CCDC192: variants seen among roughly 807,000 people sequenced by gnomAD.
CCDC192 encodes the protein coiled-coil domain containing 192, also known as coiled-coil domain-containing protein 192.
At chr5:127,855,636 G>C (rs529058749) in intron 5 of CCDC192, among the ~76,000 whole-genome samples, 3 of 152,260 alleles carry the variant, frequency 2.0e-5, no homozygotes, top group Admixed American at 6.5e-5. Context: ...CACCATCTAT[G>C]GAAGCTATAG....
intron 3 of CCDC192, chr5:127,786,362 G>T: frequency 1.6e-6 from 1 of 631,678 alleles, no homozygotes; most frequent in South Asian, 1.8e-5. Context: ...GAGATTCAAA[G>T]GATTCTTTAT....
chr5:127,930,847 A>G (rs1490758290), intron 6 of CCDC192, among the ~76,000 whole-genome samples: 1 of 152,230 alleles, frequency 6.6e-6, no homozygotes, highest in Non-Finnish European at 1.5e-5. Context: ...ATGTCTGGCC[A>G]CTGGGGCCTA....
chr5:127,757,721 A>C (rs1389827416), intron 3 of CCDC192, among the ~76,000 whole-genome samples: 1 of 150,816 alleles, frequency 6.6e-6, no homozygotes, highest in African/African-American at 2.4e-5. Context: ...AGGCCATGCC[A>C]CTAAGGGATT....
At chr5:127,846,307 T>C (rs985696445) in intron 5 of CCDC192, among the ~76,000 whole-genome samples, 1 of 148,992 alleles carries the variant, frequency 6.7e-6, no homozygotes, top group Non-Finnish European at 1.5e-5. Context: ...AAAAAAAAAA[T>C]TGTTAAATGA....
intron 2 of CCDC192, among the ~76,000 whole-genome samples, chr5:127,753,216 G>A (rs1754337579): frequency 6.6e-6 from 1 of 152,180 alleles, no homozygotes; most frequent in Admixed American, 6.5e-5. Flanking sequence ...CCACAGCCAA[G>A]CTATAGGAAG....
At chr5:127,704,003 T>C (rs138885767) in intron 1 of CCDC192, among the ~76,000 whole-genome samples, 12 of 152,352 alleles carry the variant, frequency 7.9e-5, no homozygotes, top group South Asian at 2.1e-4. Context: ...ATTTAATTAC[T>C]AGAAATTTTG....
At position 127,767,660 on chromosome 5, in the gene CCDC192, G is replaced by A. The variant is rs144458396; in HGVS notation, c.222+13285G>A. Reference sequence around the variant, plus strand: ...ATTCTTTATCTATTCTTAAGGCCTAGAGAACTTTTTTGAAGATTAAAGGAA... The same window carrying A: ...ATTCTTTATCTATTCTTAAGGCCTAAAGAACTTTTTTGAAGATTAAAGGAA... On this transcript the variant is annotated intron_variant, in intron 3 of 6. Transcript: ENST00000514853. Among the ~76,000 whole-genome samples, 1,065 of 152,182 alleles carry A rather than the reference G, an allele frequency of 7.0e-3. 15 individuals are homozygous for A. The highest frequency in any genetic ancestry group is 0.024 in the African/African-American group (1,006 of 41,490).
intron 5 of CCDC192, among the ~76,000 whole-genome samples, chr5:127,847,821 T>TTAAATAAATAAATAAATAAA (rs67683440): frequency 2.8e-5 from 4 of 142,782 alleles, no homozygotes; most frequent in Admixed American, 7.1e-5. Context: ...AGACTCCATC[T>TTAAATAAATAAATAAATAAA]TAAATAAATA....
chr5:127,806,285 C>T (rs925131099), intron 5 of CCDC192, among the ~76,000 whole-genome samples: 1 of 152,104 alleles, frequency 6.6e-6, no homozygotes, highest in Non-Finnish European at 1.5e-5. Flanking sequence ...CACACAAGGA[C>T]CCTGGCTGGC....
At position 127,797,141 on chromosome 5, in the gene CCDC192, A is replaced by G. The variant is rs1453948888; in HGVS notation, c.261A>G (p.Glu87=). 6 of 398,360 alleles carry G rather than the reference A, an allele frequency of 1.5e-5. No homozygotes were observed. The East Asian group carries it at 1.8e-4, about 12-fold the overall frequency. 24.7% of individuals were successfully genotyped at this position (398,360 alleles called of 1,614,324 possible). ...AAGGAACAAAATCAAAACTGCTTGA[A>G]CAAGTATCCCGGCTGGAGGAAAAAC... is the stretch of plus-strand genomic sequence containing the variant. The part of the protein sequence containing the change: ...VSEGTKSKLL[E]QVSRLEEKLE... Residue 87 remains glutamate (E), a synonymous_variant, in exon 4 of 7, where the codon GAA becomes GAG. Transcript: ENST00000514853.
At chr5:127,813,462 A>G (rs746856177) in intron 5 of CCDC192, among the ~76,000 whole-genome samples, 9 of 152,180 alleles carry the variant, frequency 5.9e-5, no homozygotes, top group Non-Finnish European at 8.8e-5. Context: ...GTAACTGCTC[A>G]TCTGCAGTTT....
chr5:127,762,729 G>A (rs184970583), intron 3 of CCDC192, among the ~76,000 whole-genome samples: 3 of 152,308 alleles, frequency 2.0e-5, no homozygotes, highest in Admixed American at 6.5e-5. Flanking sequence ...AAAGCCTCAT[G>A]CCTTAAGAGT....
chr5:127,859,406 A>G (rs960118399), intron 5 of CCDC192, among the ~76,000 whole-genome samples: 6 of 152,136 alleles, frequency 3.9e-5, no homozygotes, highest in Non-Finnish European at 7.4e-5. Context: ...TATGTTGGAG[A>G]ACTACTTCTA....
chr5:127,827,393 T>C (rs1198409282), intron 5 of CCDC192, among the ~76,000 whole-genome samples: 1 of 152,182 alleles, frequency 6.6e-6, no homozygotes, highest in Non-Finnish European at 1.5e-5. Flanking sequence ...ACACAAAATA[T>C]CCACCGTGTC....
At chr5:127,774,620 C>A (rs766317888) in intron 3 of CCDC192, among the ~76,000 whole-genome samples, 8 of 152,136 alleles carry the variant, frequency 5.3e-5, no homozygotes, top group African/African-American at 7.2e-5. Context: ...ATGTGTCAGT[C>A]CTTATTCCAT....
intron 2 of CCDC192, among the ~76,000 whole-genome samples, chr5:127,721,023 C>T (rs144557574): frequency 1.1e-3 from 171 of 152,280 alleles, no homozygotes; most frequent in African/African-American, 4.0e-3. Context: ...GAAATGTCTT[C>T]GAGGTCTTTC....
chr5:127,857,176 AC>A (rs1290537064), intron 5 of CCDC192, among the ~76,000 whole-genome samples: 1 of 152,012 alleles, frequency 6.6e-6, no homozygotes, highest in Admixed American at 6.6e-5. Context: ...CAACAATAAC[AC>A]CCCACCTCAC....
At chr5:127,719,544 T>TATATACACACACATAC (rs1751870500) in intron 2 of CCDC192, among the ~76,000 whole-genome samples, 1 of 34,048 alleles carries the variant, frequency 2.9e-5, no homozygotes, top group Non-Finnish European at 6.4e-5. Flanking sequence ...CATATATATA[T>TATATACACACACATAC]ATATATATAT....
intron 6 of CCDC192, among the ~76,000 whole-genome samples, chr5:127,880,533 C>T (rs1195154674): frequency 2.7e-5 from 4 of 150,438 alleles, no homozygotes; most frequent in Non-Finnish European, 5.9e-5. Context: ...AGCGCACCAG[C>T]ATGGCACATG....
Sources: gnomAD v4.1 joint callset for allele counts (sites outside exome capture counted in the v4.1 genomes callset) on GRCh38, gnomAD v4.1.1 for gene constraint, MANE v1.5 for transcripts, NCBI Gene and HGNC (gene_info 2026-07-23, HGNC 2026-07-21) for gene names.